NFATC2: variants seen among roughly 807,000 people sequenced by gnomAD.
The protein encoded by NFATC2 is nuclear factor of activated T-cells, cytoplasmic 2.
NFATC2 carries 22 observed loss-of-function variants against 87.3 expected under a neutral mutation model. That is an observed-to-expected ratio of 0.25 (90% CI 0.18 to 0.36). The LOEUF (loss-of-function observed/expected upper bound fraction) is 0.36, where lower values mean the gene tolerates loss of function less well. Among genes scored for constraint, NFATC2 ranks in the 10% least tolerant of loss-of-function variants. NFATC2 has a pLI of 1.00. For missense variants in NFATC2, 1,149 were observed against 1,259.1 expected (o/e 0.91, Z 1.32); for synonymous variants, 565 against 542.2 (o/e 1.04, Z -0.58).
At chr20:51,551,442 C>T (rs2076931728) in intron 1 of NFATC2, among the ~76,000 whole-genome samples, 1 of 152,088 alleles carries the variant, frequency 6.6e-6, no homozygotes, top group Non-Finnish European at 1.5e-5. Flanking sequence ...CCCACTCAGT[C>T]ACCCAGGATG....
At chr20:51,415,352 C>T (rs890375557) in intron 9 of NFATC2, among the ~76,000 whole-genome samples, 3 of 152,300 alleles carry the variant, frequency 2.0e-5, no homozygotes, top group Admixed American at 2.0e-4. Context: ...GACATTTAGC[C>T]TGTTTCTAGT....
At chr20:51,471,093 C>A (rs540775130) in intron 5 of NFATC2, among the ~76,000 whole-genome samples, 1 of 152,270 alleles carries the variant, frequency 6.6e-6, no homozygotes, top group East Asian at 1.9e-4. Context: ...GAAAAGAAAA[C>A]AATTTTCAAT....
chr20:51,499,262 T>G (rs1251915478), intron 3 of NFATC2, among the ~76,000 whole-genome samples: 1 of 152,050 alleles, frequency 6.6e-6, no homozygotes, highest in Admixed American at 6.6e-5. Flanking sequence ...GTTAGGAGGC[T>G]GTCACCCAGA....
At chr20:51,478,187 A>G (rs1988925267) in intron 3 of NFATC2, among the ~76,000 whole-genome samples, 1 of 152,236 alleles carries the variant, frequency 6.6e-6, no homozygotes, top group Non-Finnish European at 1.5e-5. Flanking sequence ...TTGGGCCAAG[A>G]TGGAAATCCA....
intron 9 of NFATC2, among the ~76,000 whole-genome samples, chr20:51,400,383 G>GTTCTTCAGACCAT (rs1987881688): frequency 6.8e-6 from 1 of 147,740 alleles, no homozygotes; most frequent in African/African-American, 2.5e-5. Flanking sequence ...CAGGGACCAG[G>GTTCTTCAGACCAT]TTCTTCAGAC....
intron 10 of NFATC2, among the ~76,000 whole-genome samples, chr20:51,397,844 G>T (rs769145640): frequency 6.6e-6 from 1 of 152,162 alleles, no homozygotes; most frequent in Non-Finnish European, 1.5e-5. Context: ...GGTTTATTCC[G>T]ATTAGAATAT....
chr20:51,487,741 C>G (rs774660500), intron 3 of NFATC2, among the ~76,000 whole-genome samples: 19 of 152,114 alleles, frequency 1.2e-4, no homozygotes, highest in Non-Finnish European at 2.6e-4. Context: ...CCTCCGCCCC[C>G]ACACCAAAGA....
chr20:51,551,241 C>T (rs1469682098), intron 1 of NFATC2, among the ~76,000 whole-genome samples: 1 of 152,076 alleles, frequency 6.6e-6, no homozygotes, highest in Non-Finnish European at 1.5e-5. Context: ...TATCTTCACA[C>T]CATGTTTTAA....
At chr20:51,456,524 C>A (rs1237596319) in intron 5 of NFATC2, among the ~76,000 whole-genome samples, 1 of 152,202 alleles carries the variant, frequency 6.6e-6, no homozygotes, top group Non-Finnish European at 1.5e-5. Flanking sequence ...AGAATGAAAA[C>A]CTGCTCCAGC....
chr20:51,393,943 A>G (rs1015451733), intron 10 of NFATC2, among the ~76,000 whole-genome samples: 1 of 152,264 alleles, frequency 6.6e-6, no homozygotes, highest in East Asian at 1.9e-4. Flanking sequence ...AGGCAGAAGC[A>G]TGTTTCCCTC....
intron 5 of NFATC2, 80 bp downstream of exon 5, chr20:51,473,900 C>T: frequency 6.7e-7 from 1 of 1,501,130 alleles, no homozygotes; most frequent in Non-Finnish European, 9.0e-7. Context: ...GGGTACCTCG[C>T]CCAGAATACA....
At chr20:51,404,180 CAGCTCCTCCCTT>C (rs1988330016) in intron 9 of NFATC2, among the ~76,000 whole-genome samples, 1 of 152,196 alleles carries the variant, frequency 6.6e-6, no homozygotes, top group Non-Finnish European at 1.5e-5. Context: ...TTGCAGCCAA[CAGCTCCTCCCTT>C]TCTCAGCTGT....
At chr20:51,548,158 C>T (rs750849044) in intron 1 of NFATC2, among the ~76,000 whole-genome samples, 10 of 152,240 alleles carry the variant, frequency 6.6e-5, no homozygotes, top group East Asian at 1.9e-4. Context: ...CCTGATCGTC[C>T]GCCTGTTCCT....
At chr20:51,544,293 T>C (rs1213459476), upstream of NFATC2, among the ~76,000 whole-genome samples, 4 of 151,966 alleles carry the variant, frequency 2.6e-5, no homozygotes, top group Non-Finnish European at 5.9e-5. Flanking sequence ...GGCCTGAAAA[T>C]TTTTTTAAAC....
At chr20:51,442,709 T>G (rs962492079) in intron 6 of NFATC2, among the ~76,000 whole-genome samples, 3 of 44,020 alleles carry the variant, frequency 6.8e-5, no homozygotes, top group African/African-American at 1.6e-4. Context: ...TAAAGTTTGT[T>G]TTTTTTTTTT....
chr20:51,412,679 T>C (rs1390447836), intron 9 of NFATC2, among the ~76,000 whole-genome samples: 2 of 152,034 alleles, frequency 1.3e-5, no homozygotes, highest in Non-Finnish European at 2.9e-5. Flanking sequence ...CATGCCCGAT[T>C]CCTGGGCGTC....
chr20:51,479,461 A>G (rs1346122845), intron 3 of NFATC2, among the ~76,000 whole-genome samples: 1 of 152,166 alleles, frequency 6.6e-6, no homozygotes, highest in African/African-American at 2.4e-5. Flanking sequence ...CACCAAAAAA[A>G]TGCAAAAATT....
At chr20:51,437,305 G>A (rs1983731253) in intron 6 of NFATC2, among the ~76,000 whole-genome samples, 1 of 152,194 alleles carries the variant, frequency 6.6e-6, no homozygotes, top group African/African-American at 2.4e-5. Flanking sequence ...ATGCTAATGA[G>A]CATTTGGAAA....
At chr20:51,489,664 G>C (rs1471009374) in intron 3 of NFATC2, among the ~76,000 whole-genome samples, 1 of 152,140 alleles carries the variant, frequency 6.6e-6, no homozygotes, top group African/African-American at 2.4e-5. Context: ...ACGTGCACCG[G>C]CCTGCTTTAC....
Sources: allele counts gnomAD v4.1 joint callset (sites outside exome capture counted in the v4.1 genomes callset), GRCh38; gene constraint gnomAD v4.1.1; transcripts MANE v1.5; gene names NCBI Gene and HGNC (gene_info 2026-07-23, HGNC 2026-07-21).